The following LGALS4 variants were observed in gnomAD, a reference collection of about 807,000 sequenced individuals.
LGALS4 encodes the protein galectin 4, also known as galectin-4.
A neutral mutation model predicts 39.6 loss-of-function variants in LGALS4; 37 were observed. The ratio of observed to expected loss-of-function variants is 0.93; its 90% CI spans 0.72 to 1.23. The LOEUF (loss-of-function observed/expected upper bound fraction) is 1.23. LGALS4 is among the 50% of genes most tolerant of loss of function. The pLI, the probability that LGALS4 is intolerant of heterozygous loss-of-function variation, is 0.00. For synonymous variants in LGALS4, 160 were observed against 165.5 expected (o/e 0.97, Z 0.25); for missense variants, 397 against 433.2 (o/e 0.92, Z 0.74).
At position 38,801,767 on chromosome 19, in the gene LGALS4, G is replaced by C; in HGVS notation, c.969C>G (p.Ile323Met). The C allele has an allele frequency of 6.2e-7, 1 of 1,614,174 alleles. No homozygotes were observed. The highest frequency in any genetic ancestry group is 8.5e-7 in the Non-Finnish European group (1 of 1,180,020). The change falls in exon 10 of 10, where the codon ATC becomes ATG. Residue 323 changes from isoleucine (I) to methionine (M), a missense_variant. Transcript: ENST00000307751. Reference sequence around the variant, plus strand: ...GAGTTATGGCCCCAGGAATAGATTAGATCTGGACATAGGACAAGGTGACAT... The same window carrying C: ...GAGTTATGGCCCCAGGAATAGATTACATCTGGACATAGGACAAGGTGACAT... ...QGDVTLSYVQ[I>M]
intron 2 of LGALS4, 92 bp from the exon 3 acceptor site, chr19:38,809,040 C>T (rs1035524): frequency 1.4e-5 from 16 of 1,122,198 alleles, no homozygotes; most frequent in Admixed American, 2.2e-5. Context: ...GCCCTGTCCT[C>T]GGCCTCCCTG....
intron 4 of LGALS4, among the ~76,000 whole-genome samples, chr19:38,805,785 G>A (rs552896719): frequency 6.6e-6 from 1 of 152,244 alleles, no homozygotes; most frequent in East Asian, 1.9e-4. Context: ...AATGAATGTG[G>A]AATGCGCTGG....
At chr19:38,806,815 C>T (rs1443525262) in intron 3 of LGALS4, among the ~76,000 whole-genome samples, 4 of 151,978 alleles carry the variant, frequency 2.6e-5, no homozygotes, top group Admixed American at 6.6e-5. Context: ...GGCATGGTGG[C>T]GGGCTCCTGT....
At chr19:38,810,354 CTTTTTTT>C (rs761533885) in intron 2 of LGALS4, among the ~76,000 whole-genome samples, 3 of 92,876 alleles carry the variant, frequency 3.2e-5, no homozygotes, top group African/African-American at 1.0e-4. Flanking sequence ...GAGATTTCGC[CTTTTTTT>C]TTTTTTTTTT....
rs908435877 is a variant in LGALS4, at chr19:38,806,532, G to A, written c.403C>T (p.His135Tyr). The change falls in exon 4 of 10, where the codon CAC becomes TAC. Residue 135 changes from histidine (H) to tyrosine (Y), a missense_variant. Coordinates refer to ENST00000307751, the MANE Select transcript of LGALS4 (RefSeq NM_006149.4). The stretch of plus-strand genomic sequence containing the variant: ...TGCAGATCCCCATCCACTTGCAGGT[G>A]GGTGACCATCTGTAGGGGAAGCCGG... ...GHRLPLQMVTHLQVDGDLQLQ... is the reference protein window; with the variant it reads ...GHRLPLQMVTYLQVDGDLQLQ... 1 of 1,614,096 alleles carries A rather than the reference G, an allele frequency of 6.2e-7. No homozygotes were observed. Among genetic ancestry groups the A allele is most frequent in the Non-Finnish European group, 8.5e-7 (1 of 1,179,962 alleles).
rs202118482 is a variant in LGALS4 at position 38,812,900 on chromosome 19, G to A, written c.-14C>T. On this transcript the variant is annotated 5_prime_UTR_variant, in exon 1 of 10. Transcript: ENST00000307751. The stretch of plus-strand genomic sequence containing the variant: ...GACATAGGCCATCGCTCGAGGCTGC[G>A]CTAGTGGCTGGTCCTGTGAGAAGAG... The A allele has an allele frequency of 9.3e-6, 15 of 1,610,836 alleles. No individual in the cohort carries two copies. The highest frequency in any genetic ancestry group is 3.3e-5 in the Admixed American group (2 of 60,004).
rs570546426 is a variant in LGALS4 at position 38,805,742 on chromosome 19, C to A, written c.474+719G>T. On this transcript the variant is annotated intron_variant, in intron 4 of 9. Transcript: ENST00000307751. ...CCCTTGATCATCACTGGGCTCTTGGCATAACTCAGCAGAGGGAGATGCTTG... is the reference window on the plus strand; with the variant it reads ...CCCTTGATCATCACTGGGCTCTTGGAATAACTCAGCAGAGGGAGATGCTTG... Among the ~76,000 whole-genome samples, 3 of 152,242 alleles carry A rather than the reference C, an allele frequency of 2.0e-5. No homozygotes were observed. The South Asian group carries it at 6.2e-4, about 32-fold the overall frequency.
chr19:38,804,787 C>T (rs966914765), intron 4 of LGALS4, among the ~76,000 whole-genome samples: 4 of 151,582 alleles, frequency 2.6e-5, no homozygotes. Context: ...CATGCCACTG[C>T]ACTCCAACCT....
At chr19:38,805,838 G>A (rs1971415836) in intron 4 of LGALS4, among the ~76,000 whole-genome samples, 1 of 152,186 alleles carries the variant, frequency 6.6e-6, no homozygotes, top group Admixed American at 6.5e-5. Flanking sequence ...CTGGGAGACT[G>A]TAGCCAGCAG....
chr19:38,803,468 C>T (rs1038426895), intron 7 of LGALS4, 54 bp downstream of exon 7: 6 of 1,587,370 alleles, frequency 3.8e-6, no homozygotes, highest in South Asian at 1.1e-5. Flanking sequence ...TCTCAGATTC[C>T]CTGGAGATCC....
chr19:38,801,694 T>G lies in LGALS4; in HGVS notation c.*70A>C. ...ACTCATGAGACACCCTCAGACATTT[T>G]ATTAGGGGCTTAGAAAGGAGTCCTA... On this transcript the variant is annotated 3_prime_UTR_variant, in exon 10 of 10. Transcript: ENST00000307751. The G allele has an allele frequency of 6.5e-7, 1 of 1,541,016 alleles. No individual in the cohort carries two copies. Among genetic ancestry groups the G allele is most frequent in the South Asian group, 1.2e-5 (1 of 85,060 alleles).
intron 5 of LGALS4, 24 bp downstream of exon 5, chr19:38,803,845 C>T: frequency 1.2e-6 from 2 of 1,612,564 alleles, no homozygotes; most frequent in Non-Finnish European, 1.7e-6. Flanking sequence ...GGAGGAAGAC[C>T]CTCACCTATC....
intron 3 of LGALS4, 152 bp from the exon 4 acceptor site, chr19:38,806,747 GACC>G (rs1568351417): frequency 1.4e-6 from 1 of 714,034 alleles, no homozygotes; most frequent in African/African-American, 1.8e-5. Flanking sequence ...AGGAGTGTGA[GACC>G]AGTCTGGCCA....
At position 38,808,737 on chromosome 19, in the gene LGALS4, T is replaced by G. The variant is rs745604128; in HGVS notation, c.339+7A>C. The G allele has an allele frequency of 6.2e-6, 10 of 1,612,702 alleles. No homozygotes were observed. Among genetic ancestry groups the G allele is most frequent in the Non-Finnish European group, 6.8e-6 (8 of 1,179,200 alleles). On this transcript the variant is annotated splice_region_variant and intron_variant, in intron 3 of 9. Coordinates refer to ENST00000307751, the MANE Select transcript of LGALS4 (RefSeq NM_006149.4). ...AGCTTGGGAAACAAGAGAGAAAGCA[T>G]GCAGACCTTGTAGTGCTCAGCCAGG...
intron 4 of LGALS4, among the ~76,000 whole-genome samples, chr19:38,805,383 T>A (rs1318137067): frequency 6.6e-6 from 1 of 151,868 alleles, no homozygotes; most frequent in African/African-American, 2.4e-5. Context: ...CCATGACTAG[T>A]CAAGCCCTTC....
In LGALS4 at chr19:38,812,480, C is replaced by T. The variant is rs762775538; in HGVS notation, c.85G>A (p.Val29Met). 18 of 1,614,200 alleles carry T rather than the reference C, an allele frequency of 1.1e-5. No individual in the cohort carries two copies. The highest frequency in any genetic ancestry group is 3.3e-5 in the South Asian group (3 of 91,090). Residue 29 changes from valine to methionine, a missense_variant, in exon 2 of 10, where the codon GTG (valine) becomes ATG (methionine). Transcript: ENST00000307751. ...CCTTGGATGTAAACAGACATTCCCA[C>T]GTTGAGCCCGCCCGGGATGGGCTGG... ...YYQPIPGGLN[V>M]GMSVYIQGVA...
intron 2 of LGALS4, 22 bp downstream of exon 2, chr19:38,812,409 C>T: frequency 6.2e-7 from 1 of 1,607,768 alleles, no homozygotes; most frequent in Non-Finnish European, 8.5e-7. Context: ...GCCAGCCCGG[C>T]CTGGCTTGGG....
intron 2 of LGALS4, among the ~76,000 whole-genome samples, chr19:38,810,807 G>T (rs180864661): frequency 6.6e-6 from 1 of 152,000 alleles, no homozygotes; most frequent in East Asian, 1.9e-4. Context: ...ACAATTTAAA[G>T]GGAACCTCTG....
At chr19:38,803,453 G>T in intron 7 of LGALS4, 69 bp downstream of exon 7, 1 of 1,512,072 alleles carries the variant, frequency 6.6e-7, no homozygotes, top group Non-Finnish European at 9.2e-7. Context: ...CTCCCTTTCT[G>T]GCTGTCTCAG....
Sources: allele counts gnomAD v4.1 joint callset (sites outside exome capture counted in the v4.1 genomes callset), GRCh38; gene constraint gnomAD v4.1.1; transcripts MANE v1.5; gene names NCBI Gene and HGNC (gene_info 2026-07-23, HGNC 2026-07-21).